ZWINT: variants seen among roughly 807,000 people sequenced by gnomAD.
The protein encoded by ZWINT is outer kinetochore KNL1 complex subunit ZWINT.
ZWINT carries 41 observed loss-of-function variants against 41.5 expected under a neutral mutation model. That is an observed-to-expected ratio of 0.99 (90% CI 0.77 to 1.28). The LOEUF (loss-of-function observed/expected upper bound fraction) is 1.28, where lower values mean the gene tolerates loss of function less well. Among genes scored for constraint, ZWINT ranks in the 50% most tolerant of loss-of-function variants. The probability of loss-of-function intolerance (pLI) is 0.00; values close to 1 mark genes in which losing one functional copy is unlikely to be tolerated. For missense variants in ZWINT, 369 were observed against 329.7 expected (o/e 1.12, Z -0.92); for synonymous variants, 132 against 126.8 (o/e 1.04, Z -0.28).
Position 56,359,523 on chromosome 10 carries a change from C to T in ZWINT, c.433G>A (p.Ala145Thr). ...TGGACTGCTCTGCGTTTCTCCATGG[C>T]CATTTGTTTCTACAGATAAGCAAGG... Reference protein sequence around the residue: ...FEQLQAKKQMAMEKRRAVQNQ... With the variant: ...FEQLQAKKQMTMEKRRAVQNQ... The change falls in exon 5 of 9, where the codon GCC becomes ACC. Residue 145 changes from alanine (A) to threonine (T), a missense_variant. Coordinates refer to ENST00000373944, the MANE Select transcript of ZWINT (RefSeq NM_007057.4). The T allele has an allele frequency of 1.3e-6, 2 of 1,553,876 alleles. No homozygotes were observed. Among genetic ancestry groups the T allele is most frequent in the African/African-American group, 1.4e-5 (1 of 72,652 alleles).
At position 56,360,174 on chromosome 10, in the gene ZWINT, C is replaced by A. The variant is rs781710251; in HGVS notation, c.133-33G>T. 1.9e-6 allele frequency: 3 copies of A among 1,612,962 alleles called. No homozygotes were observed. In the South Asian group the frequency reaches 3.3e-5, roughly 18 times the overall value. On this transcript the variant is annotated intron_variant, in intron 2 of 8. Transcript: ENST00000373944. ...GAGGGAGGGCAGAGACAGGGAACAT[C>A]CTTACCTCCTTACAGGTTTCCTTAA... is the stretch of plus-strand genomic sequence containing the variant.
rs2132106844 is a variant in ZWINT at position 56,361,213 on chromosome 10, C to T, written c.24G>A (p.Ala8=). 6.2e-7 allele frequency: 1 copy of T among 1,613,092 alleles called. No individual in the cohort carries two copies. Among genetic ancestry groups the T allele is most frequent in the East Asian group, 2.2e-5 (1 of 44,882 alleles). MEAAETE[A]EAAALEVLAE... ...ACACTTACTCTAGGGCTGCAGCTTCCGCCTCTGTCTCCGCTGCCTCCATCT... is the reference window on the plus strand; with the variant it reads ...ACACTTACTCTAGGGCTGCAGCTTCTGCCTCTGTCTCCGCTGCCTCCATCT... The change falls in exon 1 of 9, where the codon GCG becomes GCA. Residue 8 remains alanine, a synonymous_variant. Transcript: ENST00000373944.
chr10:56,361,261 C>T (rs751851900), upstream of ZWINT: 4 of 1,607,800 alleles, frequency 2.5e-6, no homozygotes, highest in South Asian at 3.3e-5. Context: ...AGTTCAGCTG[C>T]CTTCCCACAA....
At chr10:56,359,946 G>T in intron 3 of ZWINT, 72 bp downstream of exon 3, 1 of 1,606,370 alleles carries the variant, frequency 6.2e-7, no homozygotes, top group Admixed American at 1.7e-5. Flanking sequence ...TCAGCCAAAT[G>T]GGAGACCTAA....
intron 1 of ZWINT, 148 bp downstream of exon 1, chr10:56,361,048 C>T: frequency 1.2e-6 from 1 of 841,214 alleles, no homozygotes; most frequent in African/African-American, 1.7e-5. Flanking sequence ...ACCTCAGGAA[C>T]CTAAGACGGG....
In ZWINT at chr10:56,358,715, G is replaced by A. The variant is rs1437447665; in HGVS notation, c.633C>T (p.Thr211=). ...GCAGGGTATACAGAAGCTGGAGGAA[G>A]GTCTGATACCTACAAAGAGGAGGTA... ...QERDKLQRYQ[T]FLQLLYTLQG... is the part of the protein sequence containing the mutation. Residue 211 remains threonine (T), a synonymous_variant, in exon 7 of 9, where the codon ACC becomes ACT. Coordinates refer to ENST00000373944, the MANE Select transcript of ZWINT (RefSeq NM_007057.4). The A allele has an allele frequency of 3.1e-6, 5 of 1,614,004 alleles. No homozygotes were observed. The African/African-American group carries it at 4.0e-5, about 13-fold the overall frequency.
chr10:56,360,142 C>A lies in ZWINT; in HGVS notation c.133-1G>T, dbSNP rs776059405. 2.5e-6 allele frequency: 4 copies of A among 1,613,922 alleles called. No homozygotes were observed. In the South Asian group the frequency reaches 4.4e-5, roughly 18 times the overall value. On this transcript the variant is annotated splice_acceptor_variant, in intron 2 of 8. Transcript: ENST00000373944. LOFTEE classifies it high-confidence loss of function. ...GCAGCTTGTCTTTCTTCTGAGAGTC[C>A]TGCTCAGAGGGAGGGCAGAGACAGG...
intron 5 of ZWINT, 38 bp from the exon 6 acceptor site, chr10:56,358,985 G>A (rs753740132): frequency 1.9e-6 from 3 of 1,608,506 alleles, no homozygotes; most frequent in Non-Finnish European, 1.7e-6. Context: ...TGCATCAGAT[G>A]TTGAAGTCTT....
chr10:56,357,505 G>A lies in ZWINT; in HGVS notation c.*722C>T, dbSNP rs1838193904. 1 of 152,582 alleles carries A rather than the reference G, an allele frequency of 6.6e-6. No homozygotes were observed. Among genetic ancestry groups the A allele is most frequent in the African/African-American group, 2.4e-5 (1 of 41,422 alleles). The allele number at this position is 152,582 out of a possible 1,614,324, so 9.5% of individuals were successfully genotyped here. On this transcript the variant is annotated 3_prime_UTR_variant, in exon 9 of 9. Transcript: ENST00000373944. ...ATCCAAATACGTGAGTTGATCATCT[G>A]ATAAAAGTAAGAGTTGACAAAAAAG...
upstream of ZWINT, chr10:56,361,273 C>A (rs41305014): frequency 0.038 from 61,017 of 1,605,504 alleles, 1,344 homozygotes; most frequent in Non-Finnish European, 0.044. Flanking sequence ...TTCCCACAAT[C>A]CCTAAGATTA....
rs373777619 is a variant in ZWINT at position 56,360,370 on chromosome 10, C to T, written c.55G>A (p.Val19Met). The T allele has an allele frequency of 1.2e-6, 2 of 1,614,042 alleles. No homozygotes were observed. Among genetic ancestry groups the T allele is most frequent in the East Asian group, 2.2e-5 (1 of 44,884 alleles). The change falls in exon 2 of 9, where the codon GTG (valine) becomes ATG (methionine). Residue 19 changes from valine (V) to methionine (M), a missense_variant. Val to Met is a conservative substitution (Grantham distance 21, BLOSUM62 1). Transcript: ENST00000373944. ...CCTACAGGTTCCAAGATGCCTGCCA[C>T]CTCAGCCAGGACCCTGGAGGGGCAA... ...EAAALEVLAE[V>M]AGILEPVGLQ... is the part of the protein sequence containing the mutation.
At chr10:56,358,501 C>T (rs1332774784) in intron 7 of ZWINT, 42 bp from the exon 8 acceptor site, 1 of 1,614,010 alleles carries the variant, frequency 6.2e-7, no homozygotes, top group South Asian at 1.1e-5. Context: ...GGCCAATCTC[C>T]CAGCTTCTGT....
In ZWINT at chr10:56,360,055, A is replaced by T. The variant is rs373079392; in HGVS notation, c.219T>A (p.Ala73=). 4 of 1,613,946 alleles carry T rather than the reference A, an allele frequency of 2.5e-6. No individual in the cohort carries two copies. In the African/African-American group the frequency reaches 5.3e-5, roughly 22 times the overall value. The change falls in exon 3 of 9, where the codon GCT becomes GCA. Residue 73 remains alanine, a synonymous_variant. Coordinates refer to ENST00000373944, the MANE Select transcript of ZWINT (RefSeq NM_007057.4). Reference sequence around the variant, plus strand: ...CAGAAGCCAAGGGGTCGAGACCCTTAGCAGTGTCCTCCTGAGCCAGGATGT... The same window carrying T: ...CAGAAGCCAAGGGGTCGAGACCCTTTGCAGTGTCCTCCTGAGCCAGGATGT... ...LQNILAQEDT[A]KGLDPLASED... is the part of the protein sequence containing the mutation.
Position 56,357,938 on chromosome 10 carries a change from C to T in ZWINT, c.*289G>A. Reference sequence around the variant, plus strand: ...CATAGGAGGCCCAAGGCCAGTACCCCCTCCCCATCTGCACACCCTGTGTTC... The same window carrying T: ...CATAGGAGGCCCAAGGCCAGTACCCTCTCCCCATCTGCACACCCTGTGTTC... On this transcript the variant is annotated 3_prime_UTR_variant, in exon 9 of 9. Transcript: ENST00000373944. 2.4e-6 allele frequency: 1 copy of T among 408,824 alleles called. No homozygotes were observed. The highest frequency in any genetic ancestry group is 4.9e-6 in the Non-Finnish European group (1 of 203,156). 25.3% of individuals were successfully genotyped at this position (408,824 alleles called of 1,614,324 possible).
Position 56,359,480 on chromosome 10 carries a change from T to G in ZWINT, c.476A>C (p.Gln159Pro), listed in dbSNP as rs753003775. The G allele has an allele frequency of 6.5e-7, 1 of 1,533,720 alleles. No individual in the cohort carries two copies. The highest frequency in any genetic ancestry group is 8.7e-7 in the Non-Finnish European group (1 of 1,144,262). Residue 159 changes from glutamine (Q) to proline (P), a missense_variant, in exon 5 of 9, where the codon CAA becomes CCA. Physicochemically the swap from Gln to Pro is moderately conservative, Grantham distance 76. Transcript: ENST00000373944. ...CTCCTAGGGGGACGAACCTACCTGT[T>G]GTAGCTGCCACTGGTTCTGGACTGC... Reference protein sequence around the residue: ...RRAVQNQWQLQQEKHLQHLAE... With the variant: ...RRAVQNQWQLPQEKHLQHLAE...
In ZWINT at chr10:56,361,243, AG is replaced by A. The variant is rs745606401; in HGVS notation, c.-8del. ...CTGTCTCCGCTGCCTCCATCTTTCC[AG>A]GCGCCGAGTTCAGCTGCCTTCCCAC... is the stretch of plus-strand genomic sequence containing the variant. On this transcript the variant is annotated 5_prime_UTR_variant, in exon 1 of 9. Transcript: ENST00000373944. 1 of 1,611,772 alleles carries A rather than the reference AG, an allele frequency of 6.2e-7. No homozygotes were observed. Among genetic ancestry groups the A allele is most frequent in the Non-Finnish European group, 8.5e-7 (1 of 1,179,896 alleles).
Position 56,358,788 on chromosome 10 carries a change from C to T in ZWINT, c.623+17G>A. 1 of 1,614,050 alleles carries T rather than the reference C, an allele frequency of 6.2e-7. No individual in the cohort carries two copies. On this transcript the variant is annotated intron_variant, in intron 6 of 8. Transcript: ENST00000373944. ...GCTGGACCATTTTGAATCTGCAGCC[C>T]ATGCTCCCGAACTTACCTCTGCAGC...
In ZWINT at chr10:56,358,082, C is replaced by T; in HGVS notation, c.*145G>A. 1.6e-6 allele frequency: 1 copy of T among 608,686 alleles called. No individual in the cohort carries two copies. The highest frequency in any genetic ancestry group is 3.2e-6 in the Non-Finnish European group (1 of 309,342). The allele number at this position is 608,686 out of a possible 1,614,324, so 37.7% of individuals were successfully genotyped here. On this transcript the variant is annotated 3_prime_UTR_variant, in exon 9 of 9. Transcript: ENST00000373944. ...TGAGAGAGATCCAGGGATTTTAATCCACAGATGCCAGAGCTTGCTGGGATG... is the reference window on the plus strand; with the variant it reads ...TGAGAGAGATCCAGGGATTTTAATCTACAGATGCCAGAGCTTGCTGGGATG...
Position 56,359,999 on chromosome 10 carries a change from C to T in ZWINT, c.256+19G>A. On this transcript the variant is annotated intron_variant, in intron 3 of 8. Transcript: ENST00000373944. ...TCCCCACTCAGGTCAGCTGCTACTA[C>T]AATCCCCTGCCTACTCACGGCTCGT... is the stretch of plus-strand genomic sequence containing the variant. 1 of 1,613,446 alleles carries T rather than the reference C, an allele frequency of 6.2e-7. No homozygotes were observed. Among genetic ancestry groups the T allele is most frequent in the Non-Finnish European group, 8.5e-7 (1 of 1,179,582 alleles).
Sources: allele counts gnomAD v4.1 joint callset, GRCh38; gene constraint gnomAD v4.1.1; transcripts MANE v1.5; gene names NCBI Gene and HGNC (gene_info 2026-07-23, HGNC 2026-07-21).